Variants in TP63 observed in about 807,000 individuals in gnomAD.
The protein encoded by TP63 is tumor protein 63.
TP63 carries 17 observed loss-of-function variants against 82.8 expected under a neutral mutation model. The observed-to-expected ratio is 0.21, with a 90% CI of 0.14 to 0.31. TP63 has a LOEUF of 0.31. Among genes scored for constraint, TP63 ranks in the 10% least tolerant of loss-of-function variants. TP63 has a pLI of 1.00. For synonymous variants in TP63, 330 were observed against 321.7 expected, an observed-to-expected ratio of 1.03 and a Z score of -0.28; for missense variants, 648 against 895.3, an observed-to-expected ratio of 0.72 and a Z score of 3.52.
intron 1 of TP63, among the ~76,000 whole-genome samples, chr3:189,676,431 T>A (rs1007555981): frequency 4.6e-5 from 7 of 152,106 alleles, no homozygotes; most frequent in African/African-American, 1.7e-4. Flanking sequence ...CTGTGCCTGG[T>A]TTACTTCACT....
Position 189,864,246 on chromosome 3 carries a change from G to A in TP63, c.594G>A (p.Leu198=), listed in dbSNP as rs1195622692. Residue 198 remains leucine (L), a synonymous_variant, in exon 5 of 14, where the codon CTG becomes CTA. Coordinates refer to ENST00000264731, the MANE Select transcript of TP63 (RefSeq NM_003722.5). ...KSATWTYSTE[L]KKLYCQIAKT... ...ACTCTAAGCAGTATTCCACTGAACT[G>A]AAGAAACTCTACTGCCAAATTGCAA... 6.2e-7 allele frequency: 1 copy of A among 1,614,108 alleles called. No individual in the cohort carries two copies.
At chr3:189,863,978 G>T (rs1182010054) in intron 4 of TP63, among the ~76,000 whole-genome samples, 1 of 152,142 alleles carries the variant, frequency 6.6e-6, no homozygotes, top group Non-Finnish European at 1.5e-5. Flanking sequence ...AAAATAACAG[G>T]AAATAATGGC....
In TP63 at chr3:189,683,191, T is replaced by C. The variant is rs186970660; in HGVS notation, c.62+51614T>C. Among the ~76,000 whole-genome samples, 238 of 152,298 alleles carry C rather than the reference T, an allele frequency of 1.6e-3. 1 individual carries two copies. The highest frequency in any genetic ancestry group is 5.4e-3 in the African/African-American group (224 of 41,562). ...GACATTGCCTAAAGGATTCATCATA[T>C]CTAATGAATATTAGATAACTATGTG... On this transcript the variant is annotated intron_variant, in intron 1 of 13. Coordinates refer to ENST00000264731, the MANE Select transcript of TP63 (RefSeq NM_003722.5).
chr3:189,609,365 G>A, the TP63 span, among the ~76,000 whole-genome samples: 4 of 152,072 alleles, frequency 2.6e-5, no homozygotes, highest in South Asian at 8.3e-4. Context: ...CAATGAAATG[G>A]GTATGTTACT....
At position 189,659,570 on chromosome 3, in the gene TP63, T is replaced by C. The variant is rs188944187; in HGVS notation, c.62+27993T>C. ...ATAAAATATTTTTTTCTTTTGTGTA[T>C]GTACTCAGTAATGGAATTGCTGGGT... On this transcript the variant is annotated intron_variant, in intron 1 of 13. Coordinates refer to ENST00000264731, the MANE Select transcript of TP63 (RefSeq NM_003722.5). Among the ~76,000 whole-genome samples, 146 of 152,242 alleles carry C rather than the reference T, an allele frequency of 9.6e-4. 1 individual carries two copies. Among genetic ancestry groups the C allele is most frequent in the African/African-American group, 3.2e-3 (135 of 41,574 alleles).
chr3:189,761,770 A>G (rs1383007066), intron 3 of TP63, among the ~76,000 whole-genome samples: 1 of 152,216 alleles, frequency 6.6e-6, no homozygotes, highest in African/African-American at 2.4e-5. Context: ...TGGGCAATTT[A>G]AAAAAGAAAG....
intron 10 of TP63, among the ~76,000 whole-genome samples, chr3:189,883,698 A>T (rs1720160001): frequency 6.6e-6 from 1 of 152,146 alleles, no homozygotes; most frequent in African/African-American, 2.4e-5. Flanking sequence ...AGAAAATGAG[A>T]CTCAAGAAAC....
At chr3:189,807,773 G>T (rs1727073474) in intron 3 of TP63, among the ~76,000 whole-genome samples, 1 of 152,170 alleles carries the variant, frequency 6.6e-6, no homozygotes, top group Admixed American at 6.5e-5. Context: ...ATGCAGAATT[G>T]CAAGATTAAG....
At chr3:189,666,662 T>C (rs16864690) in intron 1 of TP63, among the ~76,000 whole-genome samples, 2,603 of 152,276 alleles carry the variant, frequency 0.017, 25 homozygotes, top group South Asian at 0.03. Context: ...TTGGTTAATA[T>C]GGCAGTTGAT....
chr3:189,665,544 G>A (rs1050555412), intron 1 of TP63, among the ~76,000 whole-genome samples: 1 of 152,046 alleles, frequency 6.6e-6, no homozygotes, highest in Non-Finnish European at 1.5e-5. Flanking sequence ...ACTATGAGGG[G>A]ATATATCTGA....
intron 1 of TP63, among the ~76,000 whole-genome samples, chr3:189,635,460 C>T (rs745554952): frequency 2.0e-5 from 3 of 152,066 alleles, no homozygotes; most frequent in African/African-American, 7.2e-5. Context: ...CAAGAAGCTG[C>T]CTCCTGATAA....
intron 3 of TP63, among the ~76,000 whole-genome samples, chr3:189,807,245 G>A (rs1324961235): frequency 6.6e-6 from 1 of 152,246 alleles, no homozygotes; most frequent in African/African-American, 2.4e-5. Flanking sequence ...AGTTTTGATG[G>A]CATGGACAGA....
At chr3:189,872,602 T>G (rs1447155396) in intron 9 of TP63, among the ~76,000 whole-genome samples, 2 of 152,086 alleles carry the variant, frequency 1.3e-5, no homozygotes, top group African/African-American at 4.8e-5. Context: ...GTTTACGGTA[T>G]AAGAGCTACA....
intron 6 of TP63, among the ~76,000 whole-genome samples, chr3:189,867,602 A>G (rs763941930): frequency 2.0e-5 from 3 of 152,194 alleles, no homozygotes; most frequent in Non-Finnish European, 4.4e-5. Flanking sequence ...AGATCACAAA[A>G]TGTTAAAGCC....
At position 189,704,258 on chromosome 3, in the gene TP63, G is replaced by T. The variant is rs1035927137; in HGVS notation, c.63-33482G>T. Reference sequence around the variant, plus strand: ...AAAGGTTAAGTAGTAAGGTGATGTTGGTTTGTGCTATTTTTCTTTCCAGAA... The same window carrying T: ...AAAGGTTAAGTAGTAAGGTGATGTTTGTTTGTGCTATTTTTCTTTCCAGAA... On this transcript the variant is annotated intron_variant, in intron 1 of 13. Coordinates refer to ENST00000264731, the MANE Select transcript of TP63 (RefSeq NM_003722.5). Among the ~76,000 whole-genome samples the T allele has an allele frequency of 2.6e-5, 4 of 152,282 alleles. No individual in the cohort carries two copies. In the East Asian group the frequency reaches 7.7e-4, roughly 29 times the overall value.
chr3:189,675,525 T>G (rs1715311390), intron 1 of TP63, among the ~76,000 whole-genome samples: 1 of 152,150 alleles, frequency 6.6e-6, no homozygotes, highest in South Asian at 2.1e-4. Flanking sequence ...GGTCACATAT[T>G]AGACATATAT....
chr3:189,630,873 G>T (rs969201564), upstream of TP63, among the ~76,000 whole-genome samples: 19 of 148,378 alleles, frequency 1.3e-4, no homozygotes, highest in African/African-American at 4.4e-4. Context: ...TTGAGATTGT[G>T]ACCACAACAG....
chr3:189,885,601 A>C (rs1720363140), intron 10 of TP63, among the ~76,000 whole-genome samples: 1 of 152,214 alleles, frequency 6.6e-6, no homozygotes, highest in Non-Finnish European at 1.5e-5. Context: ...ATGACAGTTG[A>C]GTTGGGAATA....
At chr3:189,807,957 G>T (rs1727093879) in intron 3 of TP63, among the ~76,000 whole-genome samples, 1 of 152,164 alleles carries the variant, frequency 6.6e-6, no homozygotes, top group Non-Finnish European at 1.5e-5. Flanking sequence ...TTCCTAAGCA[G>T]CTACTGAGCA....
Sources: gnomAD v4.1 joint callset for allele counts (sites outside exome capture counted in the v4.1 genomes callset) on GRCh38, gnomAD v4.1.1 for gene constraint, MANE v1.5 for transcripts, NCBI Gene and HGNC (gene_info 2026-07-23, HGNC 2026-07-21) for gene names.